SLC1A3: variants seen among roughly 807,000 people sequenced by gnomAD.
The protein encoded by SLC1A3 is solute carrier family 1 member 3.
Under a neutral mutation model 48.1 loss-of-function variants are expected in SLC1A3, and 21 were observed. That is an observed-to-expected ratio of 0.44 (90% CI 0.31 to 0.63). The LOEUF (loss-of-function observed/expected upper bound fraction) is 0.63, where lower values mean the gene tolerates loss of function less well. Among genes scored for constraint, SLC1A3 ranks in the 20% least tolerant of loss-of-function variants. The pLI is 0.08. For missense variants in SLC1A3, 546 were observed against 689.0 expected (o/e 0.79, Z 2.32); for synonymous variants, 239 against 251.4 (o/e 0.95, Z 0.47).
intron 3 of SLC1A3, among the ~76,000 whole-genome samples, chr5:36,637,365 C>G (rs1475871659): frequency 6.6e-6 from 1 of 152,168 alleles, no homozygotes; most frequent in Non-Finnish European, 1.5e-5. Context: ...ATTAAAAGAT[C>G]AGTAATAAAA....
chr5:36,671,200 T>A lies in SLC1A3; in HGVS notation c.491T>A (p.Val164Glu). Reference protein sequence around the residue: ...NMHREGKIVRVTAADAFLDLI... With the variant: ...NMHREGKIVRETAADAFLDLI... ...CACAGAGAAGGCAAAATTGTACGAG[T>A]GACAGCTGCAGATGCCTTCCTGGAC... Residue 164 changes from valine (V) to glutamate (E), a missense_variant, in exon 4 of 10, where the codon GTG becomes GAG. Val to Glu is a moderately radical substitution (Grantham distance 121). Around this residue, in one of 3 missense-constraint regions of SLC1A3, gnomAD observed 348 missense variants for 392.0 expected, o/e 0.89. Coordinates refer to ENST00000265113, the MANE Select transcript of SLC1A3 (RefSeq NM_004172.5). 6.2e-7 allele frequency: 1 copy of A among 1,613,702 alleles called. No homozygotes were observed. Among genetic ancestry groups the A allele is most frequent in the African/African-American group, 1.3e-5 (1 of 74,972 alleles).
At chr5:36,665,530 G>A (rs1255744469) in intron 3 of SLC1A3, among the ~76,000 whole-genome samples, 16 of 152,222 alleles carry the variant, frequency 1.1e-4, no homozygotes, top group Admixed American at 1.0e-3. Flanking sequence ...AGGCTTAGAG[G>A]TGAAATAATG....
chr5:36,670,091 T>C (rs1229473018), intron 3 of SLC1A3: 2 of 152,212 alleles, frequency 1.3e-5, no homozygotes, highest in Admixed American at 1.3e-4. Flanking sequence ...TTAATATAGA[T>C]AATTTAATCT....
At chr5:36,645,077 G>C (rs1160554036) in intron 3 of SLC1A3, among the ~76,000 whole-genome samples, 1 of 152,172 alleles carries the variant, frequency 6.6e-6, no homozygotes, top group Non-Finnish European at 1.5e-5. Flanking sequence ...AAAGTTCTGT[G>C]TAGGTCTTTT....
At chr5:36,635,533 A>G (rs1740306000) in intron 3 of SLC1A3, among the ~76,000 whole-genome samples, 1 of 152,208 alleles carries the variant, frequency 6.6e-6, no homozygotes, top group African/African-American at 2.4e-5. Context: ...CGGTAACAAC[A>G]TGGGAGCCAG....
At position 36,626,390 on chromosome 5, in the gene SLC1A3, G is replaced by T. The variant is rs189974285; in HGVS notation, c.182-3060G>T. Reference sequence around the variant, plus strand: ...AATTTTATGGACTAGATAGTATCCTGCCTACCCTTGGAAATATTACTGTAT... The same window carrying T: ...AATTTTATGGACTAGATAGTATCCTTCCTACCCTTGGAAATATTACTGTAT... On this transcript the variant is annotated intron_variant, in intron 2 of 9. Transcript: ENST00000265113. Among the ~76,000 whole-genome samples the T allele has an allele frequency of 1.1e-4, 16 of 152,222 alleles. No individual in the cohort carries two copies. The East Asian group carries it at 2.9e-3, about 28-fold the overall frequency.
At chr5:36,660,736 C>A (rs1220281915) in intron 3 of SLC1A3, among the ~76,000 whole-genome samples, 2 of 152,196 alleles carry the variant, frequency 1.3e-5, no homozygotes, top group African/African-American at 4.8e-5. Context: ...TGAGACTATT[C>A]TTTTATAGGA....
At chr5:36,607,934 G>T (rs923436456) in intron 1 of SLC1A3, among the ~76,000 whole-genome samples, 2 of 152,168 alleles carry the variant, frequency 1.3e-5, no homozygotes, top group Middle Eastern at 3.4e-3. Flanking sequence ...AGCATAATTT[G>T]TCAAGTAATG....
chr5:36,630,495 A>G (rs1470648508), intron 3 of SLC1A3: 1 of 152,038 alleles, frequency 6.6e-6, no homozygotes, highest in Non-Finnish European at 1.5e-5. Context: ...AAAGCTCAGA[A>G]CTCAGGTATT....
intron 5 of SLC1A3, among the ~76,000 whole-genome samples, chr5:36,676,418 A>C (rs981478339): frequency 6.6e-6 from 1 of 152,248 alleles, no homozygotes; most frequent in Non-Finnish European, 1.5e-5. Flanking sequence ...ACAGCTGTAG[A>C]ATATGAGAGA....
At chr5:36,600,357 G>T (rs916577382) in intron 1 of SLC1A3, among the ~76,000 whole-genome samples, 2 of 152,106 alleles carry the variant, frequency 1.3e-5, no homozygotes, top group Non-Finnish European at 2.9e-5. Context: ...GTTTGGAGGA[G>T]AGGACCTCCT....
At chr5:36,683,377 T>C (rs981364236) in intron 8 of SLC1A3, among the ~76,000 whole-genome samples, 8 of 151,714 alleles carry the variant, frequency 5.3e-5, no homozygotes, top group African/African-American at 1.9e-4. Context: ...TGATAAATAT[T>C]AGTTAGCATG....
intron 3 of SLC1A3, among the ~76,000 whole-genome samples, chr5:36,653,305 T>TA (rs1741159475): frequency 6.6e-6 from 1 of 152,186 alleles, no homozygotes; most frequent in Non-Finnish European, 1.5e-5. Context: ...TTTCAAAATT[T>TA]AGGTTATTTC....
At chr5:36,674,779 A>T (rs1024039053) in intron 5 of SLC1A3, among the ~76,000 whole-genome samples, 1 of 152,162 alleles carries the variant, frequency 6.6e-6, no homozygotes, top group African/African-American at 2.4e-5. Context: ...TCCAAATTCT[A>T]TCTGCTTTCT....
At chr5:36,642,549 A>G (rs1018025955) in intron 3 of SLC1A3, among the ~76,000 whole-genome samples, 3 of 152,210 alleles carry the variant, frequency 2.0e-5, no homozygotes, top group Non-Finnish European at 4.4e-5. Context: ...ATTTTTTAAG[A>G]GGTTTATTGA....
At chr5:36,627,485 A>C (rs1011440178) in intron 2 of SLC1A3, among the ~76,000 whole-genome samples, 4 of 146,824 alleles carry the variant, frequency 2.7e-5, no homozygotes, top group African/African-American at 1.1e-4. Context: ...CCCTTTCTCT[A>C]AAACTACACT....
intron 3 of SLC1A3, 32 bp from the exon 4 acceptor site, chr5:36,670,997 C>A: frequency 6.3e-7 from 1 of 1,594,670 alleles, no homozygotes; most frequent in Non-Finnish European, 8.6e-7. Context: ...CCTGGACTGA[C>A]TTCCTGAAAA....
At chr5:36,657,656 TGC>T (rs1357644716) in intron 3 of SLC1A3, among the ~76,000 whole-genome samples, 1 of 152,240 alleles carries the variant, frequency 6.6e-6, no homozygotes, top group East Asian at 1.9e-4. Context: ...TAGGCTGCAA[TGC>T]TGGATGGAAA....
chr5:36,597,302 A>T (rs1738755744), intron 1 of SLC1A3, among the ~76,000 whole-genome samples: 1 of 111,614 alleles, frequency 9.0e-6, no homozygotes, highest in Non-Finnish European at 1.6e-5. Flanking sequence ...GCTAGAGTGC[A>T]GTGGTGCGAT....
Sources: gnomAD v4.1 joint callset for allele counts (sites outside exome capture counted in the v4.1 genomes callset) on GRCh38, gnomAD v4.1.1 for gene constraint, gnomAD v4.1.1 regional missense constraint, MANE v1.5 for transcripts, NCBI Gene and HGNC (gene_info 2026-07-23, HGNC 2026-07-21) for gene names.